Variants in L3MBTL4 observed in about 807,000 individuals in gnomAD.
L3MBTL4 encodes the protein lethal(3)malignant brain tumor-like protein 4.
L3MBTL4 carries 70 observed loss-of-function variants against 84.5 expected under a neutral mutation model. That is an observed-to-expected ratio of 0.83 (90% confidence interval 0.68 to 1.01). The LOEUF is 1.01. Among genes scored for constraint, L3MBTL4 ranks in the 50% least tolerant of loss-of-function variants. L3MBTL4 has a pLI of 0.00. For synonymous variants in L3MBTL4, 274 were observed against 259.8 expected (o/e 1.05, Z -0.52); for missense variants, 715 against 754.8 (o/e 0.95, Z 0.62).
At position 5,969,175 on chromosome 18, in the gene L3MBTL4, T is replaced by C. The variant is rs537532292; in HGVS notation, c.1614+218A>G. ...CTGGAATAAGGCTGCGGAGGGGAGGTGCAAAACCATCTGGGCAAGTGGTGG... is the reference window on the plus strand; with the variant it reads ...CTGGAATAAGGCTGCGGAGGGGAGGCGCAAAACCATCTGGGCAAGTGGTGG... On this transcript the variant is annotated intron_variant, in intron 17 of 18. Coordinates refer to ENST00000317931, the MANE Select transcript of L3MBTL4 (RefSeq NM_001330559.2). Among the ~76,000 whole-genome samples, 58 of 151,944 alleles carry C rather than the reference T, an allele frequency of 3.8e-4. No individual in the cohort carries two copies. In the South Asian group the frequency reaches 0.011, roughly 30 times the overall value.
intron 14 of L3MBTL4, among the ~76,000 whole-genome samples, chr18:6,102,353 C>G (rs569124328): frequency 9.2e-5 from 14 of 152,190 alleles, no homozygotes; most frequent in Non-Finnish European, 2.1e-4. Context: ...TTCTCAGTCT[C>G]TCATCTCACT....
intron 1 of L3MBTL4, among the ~76,000 whole-genome samples, chr18:6,331,598 T>C (rs2052036833): frequency 6.6e-6 from 1 of 152,078 alleles, no homozygotes; most frequent in Non-Finnish European, 1.5e-5. Context: ...GACATTTTTA[T>C]AATAGAAAAA....
At chr18:6,234,076 C>CT (rs1207399084) in intron 10 of L3MBTL4, among the ~76,000 whole-genome samples, 1 of 152,030 alleles carries the variant, frequency 6.6e-6, no homozygotes, top group Non-Finnish European at 1.5e-5. Context: ...AAAGGATTCC[C>CT]ATTTAATAAA....
At chr18:5,966,876 C>T (rs148751321) in intron 17 of L3MBTL4, among the ~76,000 whole-genome samples, 411 of 151,020 alleles carry the variant, frequency 2.7e-3, no homozygotes, top group Non-Finnish European at 5.2e-3. Context: ...GCATTTGGCA[C>T]GTCTCACTTT....
At chr18:6,239,629 G>A in intron 9 of L3MBTL4, 89 bp downstream of exon 9, 4 of 1,335,060 alleles carry the variant, frequency 3.0e-6, no homozygotes, top group Non-Finnish European at 4.2e-6. Flanking sequence ...TATTAGAAGA[G>A]CAAAAACAGC....
chr18:6,292,357 C>T (rs903686834), intron 4 of L3MBTL4, among the ~76,000 whole-genome samples: 8 of 152,092 alleles, frequency 5.3e-5, no homozygotes, highest in African/African-American at 1.9e-4. Context: ...ACACATTGTT[C>T]TCATTTCCTG....
intron 13 of L3MBTL4, among the ~76,000 whole-genome samples, chr18:6,168,640 C>G (rs990186812): frequency 2.0e-5 from 3 of 152,046 alleles, no homozygotes; most frequent in African/African-American, 7.2e-5. Flanking sequence ...AAAGCTGAAA[C>G]TGGATCCCTT....
chr18:6,393,160 G>A (rs2055128781), intron 1 of L3MBTL4, among the ~76,000 whole-genome samples: 1 of 152,026 alleles, frequency 6.6e-6, no homozygotes, highest in East Asian at 1.9e-4. Flanking sequence ...GAATTCAACG[G>A]GCCAAATGTA....
At chr18:6,339,505 A>G (rs1327317195) in intron 1 of L3MBTL4, among the ~76,000 whole-genome samples, 2 of 152,224 alleles carry the variant, frequency 1.3e-5, no homozygotes, top group East Asian at 1.9e-4. Flanking sequence ...GCTTAGAAAG[A>G]AAGTATAGCC....
intron 4 of L3MBTL4, among the ~76,000 whole-genome samples, chr18:6,289,404 T>C (rs1203027180): frequency 2.0e-5 from 3 of 152,248 alleles, no homozygotes; most frequent in South Asian, 2.1e-4. Flanking sequence ...TTTTTATTTA[T>C]AAAATCTGTT....
At chr18:6,346,103 A>AATAT (rs34294575) in intron 1 of L3MBTL4, among the ~76,000 whole-genome samples, 12,670 of 129,340 alleles carry the variant, frequency 0.098, 595 homozygotes, top group East Asian at 0.11. Context: ...ATGATGTTGG[A>AATAT]ATATATATAT....
chr18:6,123,167 T>C (rs958083898), intron 14 of L3MBTL4, among the ~76,000 whole-genome samples: 9 of 152,216 alleles, frequency 5.9e-5, no homozygotes, highest in African/African-American at 7.2e-5. Flanking sequence ...ATTTGGAATA[T>C]AGATCCTGGA....
At chr18:6,257,941 G>A (rs575808877) in intron 5 of L3MBTL4, among the ~76,000 whole-genome samples, 16 of 152,140 alleles carry the variant, frequency 1.1e-4, no homozygotes, top group East Asian at 7.7e-4. Flanking sequence ...CCACATCGCC[G>A]GGCTCTAAAA....
chr18:6,074,467 A>G (rs2057793025), intron 16 of L3MBTL4, among the ~76,000 whole-genome samples: 1 of 152,216 alleles, frequency 6.6e-6, no homozygotes, highest in Non-Finnish European at 1.5e-5. Flanking sequence ...TGATTGGTCA[A>G]TGCTGTGACC....
chr18:6,159,731 G>GT (rs1197577259), intron 13 of L3MBTL4, among the ~76,000 whole-genome samples: 33 of 152,000 alleles, frequency 2.2e-4, no homozygotes, highest in Admixed American at 2.2e-3. Flanking sequence ...CGGCACCTCA[G>GT]TTTTTTGTCA....
At chr18:5,974,522 G>A (rs1255661435) in intron 16 of L3MBTL4, among the ~76,000 whole-genome samples, 2 of 152,180 alleles carry the variant, frequency 1.3e-5, no homozygotes, top group East Asian at 3.9e-4. Context: ...CACAGCCAGG[G>A]GAAGGCCAAT....
chr18:6,029,710 A>C, intron 16 of L3MBTL4: 5 of 985,186 alleles, frequency 5.1e-6, no homozygotes, highest in Non-Finnish European at 6.0e-6. Flanking sequence ...GGGTAAAATT[A>C]AAAGTTAAAT....
intron 16 of L3MBTL4, among the ~76,000 whole-genome samples, chr18:5,992,680 TGTG>T (rs1445412104): frequency 6.6e-6 from 1 of 152,134 alleles, no homozygotes; most frequent in Non-Finnish European, 1.5e-5. Context: ...TCACACGAGA[TGTG>T]GTCATTTAAA....
chr18:6,316,585 A>T (rs2051112050), intron 1 of L3MBTL4, among the ~76,000 whole-genome samples: 1 of 152,160 alleles, frequency 6.6e-6, no homozygotes, highest in Non-Finnish European at 1.5e-5. Context: ...TTTCTGGAAC[A>T]CTTTAGGGTG....
Sources: gnomAD v4.1 joint callset for allele counts (sites outside exome capture counted in the v4.1 genomes callset) on GRCh38, gnomAD v4.1.1 for gene constraint, MANE v1.5 for transcripts, NCBI Gene and HGNC (gene_info 2026-07-23, HGNC 2026-07-21) for gene names.